Variants in ZNF782 observed in about 807,000 individuals in gnomAD.
ZNF782 encodes zinc finger protein 782.
Under a neutral mutation model 13.0 loss-of-function variants are expected in ZNF782, and 12 were observed. The ratio of observed to expected loss-of-function variants is 0.92; its 90% CI spans 0.59 to 1.50. The LOEUF (loss-of-function observed/expected upper bound fraction) is 1.50. Ranked by LOEUF, ZNF782 falls within the 40% of genes most tolerant of loss-of-function variation. ZNF782 has a pLI of 0.00. For missense variants in ZNF782, 770 were observed against 822.9 expected, an observed-to-expected ratio of 0.94 and a Z score of 0.79; for synonymous variants, 284 against 283.0, an observed-to-expected ratio of 1.00 and a Z score of -0.04.
intron 4 of ZNF782, among the ~76,000 whole-genome samples, chr9:96,844,554 A>C (rs1851289952): frequency 6.6e-6 from 1 of 152,148 alleles, no homozygotes; most frequent in African/African-American, 2.4e-5. Context: ...TAGAAAGCAG[A>C]CTAGTAGTTG....
intron 1 of ZNF782, among the ~76,000 whole-genome samples, chr9:96,871,645 G>T (rs1314850690): frequency 6.6e-6 from 1 of 152,150 alleles, no homozygotes; most frequent in Non-Finnish European, 1.5e-5. Context: ...GCTGCAGTGC[G>T]CTGTGATTGT....
the ZNF782 span, among the ~76,000 whole-genome samples, chr9:96,884,489 G>A: frequency 6.6e-6 from 1 of 152,164 alleles, no homozygotes; most frequent in South Asian, 2.1e-4. Context: ...GAGCCAAGCT[G>A]ACCCTCCACT....
the ZNF782 span, chr9:96,929,142 TGAG>T: frequency 1.9e-6 from 3 of 1,576,798 alleles, no homozygotes; most frequent in Non-Finnish European, 2.6e-6. Context: ...GGGCTGATGT[TGAG>T]GGAGCACTGG....
chr9:96,855,723 G>T (rs1354646930), upstream of ZNF782, among the ~76,000 whole-genome samples: 1 of 152,204 alleles, frequency 6.6e-6, no homozygotes, highest in African/African-American at 2.4e-5. Context: ...CCATGCATGT[G>T]CAAGTATCTT....
the ZNF782 span, among the ~76,000 whole-genome samples, chr9:96,929,840 G>A: frequency 3.9e-5 from 6 of 151,902 alleles, no homozygotes. Context: ...ATTTGCTCCT[G>A]TTCCATTTAT....
upstream of ZNF782, among the ~76,000 whole-genome samples, chr9:96,858,850 G>A (rs569288568): frequency 7.9e-5 from 12 of 152,328 alleles, no homozygotes; most frequent in South Asian, 2.5e-3. The surrounding 1 kb of genome is among the most constrained non-coding windows in gnomAD (Gnocchi z 4.4). Context: ...GACCTGTGGT[G>A]AGGAGAGAGT....
chr9:96,878,614 G>A (rs1286279774), upstream of ZNF782, among the ~76,000 whole-genome samples: 4 of 152,088 alleles, frequency 2.6e-5, no homozygotes, highest in Non-Finnish European at 5.9e-5. Flanking sequence ...CGAGTTATCT[G>A]ATCAGGCTAT....
the ZNF782 span, among the ~76,000 whole-genome samples, chr9:96,917,911 T>C: frequency 0.023 from 3,435 of 149,268 alleles, 184 homozygotes; most frequent in East Asian, 0.24. Context: ...TGTGTGTGTG[T>C]GTGTGTGTGT....
upstream of ZNF782, among the ~76,000 whole-genome samples, chr9:96,878,307 C>T (rs1367419341): frequency 6.6e-6 from 1 of 152,234 alleles, no homozygotes; most frequent in African/African-American, 2.4e-5. Context: ...GTCTTGGCCT[C>T]CCAAAGTGCT....
intron 1 of ZNF782, among the ~76,000 whole-genome samples, chr9:96,863,392 G>T (rs756088922): frequency 4.6e-5 from 7 of 151,998 alleles, no homozygotes; most frequent in Non-Finnish European, 1.0e-4. Flanking sequence ...TGGTGAAAAG[G>T]GAACACTTTT....
intron 1 of ZNF782, among the ~76,000 whole-genome samples, chr9:96,873,443 T>C (rs1851852581): frequency 6.6e-6 from 1 of 152,210 alleles, no homozygotes; most frequent in Non-Finnish European, 1.5e-5. Context: ...CTCATGCCTG[T>C]AATGCCAGCA....
intron 3 of ZNF782, among the ~76,000 whole-genome samples, chr9:96,847,691 A>G (rs1851379785): frequency 6.6e-6 from 1 of 152,158 alleles, no homozygotes; most frequent in Non-Finnish European, 1.5e-5. Flanking sequence ...ATTGCCAACA[A>G]CAACAAAAAG....
intron 4 of ZNF782, among the ~76,000 whole-genome samples, chr9:96,828,166 A>G (rs1276233809): frequency 6.6e-6 from 1 of 152,198 alleles, no homozygotes; most frequent in Non-Finnish European, 1.5e-5. Flanking sequence ...AAAAATCACT[A>G]CAGCATACAC....
the ZNF782 span, among the ~76,000 whole-genome samples, chr9:96,901,886 A>G: frequency 2.0e-5 from 3 of 150,252 alleles, no homozygotes; most frequent in Admixed American, 6.6e-5. Context: ...AAAAAAAAAA[A>G]AAAGAAACAT....
chr9:96,876,491 C>T (rs1409217483), upstream of ZNF782, among the ~76,000 whole-genome samples: 1 of 152,150 alleles, frequency 6.6e-6, no homozygotes, highest in Non-Finnish European at 1.5e-5. Flanking sequence ...CAAGGATCCT[C>T]CCTCCATCAG....
upstream of ZNF782, among the ~76,000 whole-genome samples, chr9:96,877,656 G>C (rs1588179627): frequency 6.6e-6 from 1 of 152,202 alleles, no homozygotes; most frequent in African/African-American, 2.4e-5. Flanking sequence ...CGTTCCTTGC[G>C]GTCCGCGGTC....
intron 2 of ZNF782, among the ~76,000 whole-genome samples, chr9:96,860,717 G>A (rs1210086752): frequency 2.6e-5 from 4 of 152,156 alleles, no homozygotes; most frequent in South Asian, 2.1e-4. Context: ...AACCAGAACA[G>A]CATGGCACTG....
the ZNF782 span, chr9:96,891,467 T>C: frequency 6.6e-6 from 1 of 152,196 alleles, no homozygotes; most frequent in African/African-American, 2.4e-5. Flanking sequence ...ATGTATATAC[T>C]TGTATAACTC....
the ZNF782 span, among the ~76,000 whole-genome samples, chr9:96,907,324 C>T: frequency 4.6e-5 from 7 of 152,180 alleles, no homozygotes; most frequent in East Asian, 5.8e-4. Context: ...AAGTAGAATG[C>T]GGGTTGCCAG....
Sources: allele counts gnomAD v4.1 joint callset (sites outside exome capture counted in the v4.1 genomes callset), GRCh38; gene constraint gnomAD v4.1.1; non-coding constraint Gnocchi (gnomAD v3.1); transcripts MANE v1.5; gene names NCBI Gene and HGNC (gene_info 2026-07-23, HGNC 2026-07-21).